The following ATXN2 variants were observed in gnomAD, a reference collection of about 807,000 sequenced individuals.
ATXN2 encodes the protein ataxin 2.
A neutral mutation model predicts 138.6 loss-of-function variants in ATXN2; 37 were observed. The observed-to-expected ratio is 0.27, with a 90% CI of 0.21 to 0.35. The LOEUF is 0.35. Among genes scored for constraint, ATXN2 ranks in the 10% least tolerant of loss-of-function variants. The pLI is 1.00. For synonymous variants in ATXN2, 549 were observed against 543.7 expected (o/e 1.01, Z -0.13); for missense variants, 1,216 against 1,480.3 (o/e 0.82, Z 2.93).
chr12:111,494,157 T>G (rs1207257333), intron 14 of ATXN2, among the ~76,000 whole-genome samples: 1 of 152,072 alleles, frequency 6.6e-6, no homozygotes, highest in African/African-American at 2.4e-5. Context: ...CTCGAACTCC[T>G]GACCTTAGGT....
chr12:111,552,575 GATCT>G lies in ATXN2; in HGVS notation c.421-149_421-146del, dbSNP rs1419719974. ...ATCATACCCTTTTTCCCAGGCATAT[GATCT>G]ATTATCCATTCCATCATTTAAAAAT... On this transcript the variant is annotated intron_variant, in intron 4 of 24. Transcript: ENST00000673436. The surrounding 1 kb of genome is among the most constrained non-coding windows in gnomAD (Gnocchi z 4.1). 10 of 814,878 alleles carry G rather than the reference GATCT, an allele frequency of 1.2e-5. No homozygotes were observed. The highest frequency in any genetic ancestry group is 1.0e-4 in the South Asian group (5 of 48,008). 50.5% of individuals were successfully genotyped at this position (814,878 alleles called of 1,614,324 possible). A position where few individuals can be genotyped will look rare whatever the true frequency, so the allele number is the denominator to read the frequency against.
chr12:111,460,755 T>TA (rs1875517915), intron 21 of ATXN2, among the ~76,000 whole-genome samples: 1 of 152,198 alleles, frequency 6.6e-6, no homozygotes, highest in Non-Finnish European at 1.5e-5. Flanking sequence ...TGGAAAAATG[T>TA]AAAAATCTTA....
intron 17 of ATXN2, 22 bp from the exon 18 acceptor site, chr12:111,485,353 AT>A: frequency 6.3e-7 from 1 of 1,591,498 alleles, no homozygotes; most frequent in South Asian, 1.1e-5. Flanking sequence ...TAAAAAAAAA[AT>A]TAACATTAGG....
intron 1 of ATXN2, among the ~76,000 whole-genome samples, chr12:111,588,061 C>T (rs1031702317): frequency 5.3e-5 from 8 of 151,940 alleles, no homozygotes; most frequent in African/African-American, 1.7e-4. Flanking sequence ...GTGGGGCGCA[C>T]CAGTAGTTCC....
At chr12:111,563,847 AG>A (rs1882834394) in intron 1 of ATXN2, among the ~76,000 whole-genome samples, 1 of 152,200 alleles carries the variant, frequency 6.6e-6, no homozygotes, top group African/African-American at 2.4e-5. Flanking sequence ...CCATCTTTTC[AG>A]GAAGTCTTCC....
chr12:111,592,999 A>G (rs1446000919), intron 1 of ATXN2, among the ~76,000 whole-genome samples: 1 of 152,026 alleles, frequency 6.6e-6, no homozygotes, highest in East Asian at 1.9e-4. Flanking sequence ...TTCGTTTCAA[A>G]GTAAAAAAAC....
rs1874698569 is a variant in ATXN2, at chr12:111,452,226, AC to A, written c.*585del. ...CACACTAACTTGATCAGTTTTTAAA[AC>A]TTTTTTTATTTTTTAAATTTTTTTT... On this transcript the variant is annotated 3_prime_UTR_variant, in exon 25 of 25. Coordinates refer to ENST00000673436, the MANE Select transcript of ATXN2 (RefSeq NM_001372574.1). The A allele has an allele frequency of 6.6e-6, 1 of 152,268 alleles. No individual in the cohort carries two copies. The highest frequency in any genetic ancestry group is 1.5e-5 in the Non-Finnish European group (1 of 68,024). The allele number at this position is 152,268 out of a possible 1,614,324, so 9.4% of individuals were successfully genotyped here. A position where few individuals can be genotyped will look rare whatever the true frequency, so the allele number is the denominator to read the frequency against.
intron 5 of ATXN2, among the ~76,000 whole-genome samples, chr12:111,542,709 G>A (rs545495670): frequency 5.3e-5 from 8 of 152,132 alleles, no homozygotes; most frequent in South Asian, 4.1e-4. Flanking sequence ...TCATCCTCCC[G>A]CCTCAGCCTC....
At chr12:111,574,786 C>G (rs1883541038) in intron 1 of ATXN2, among the ~76,000 whole-genome samples, 1 of 152,176 alleles carries the variant, frequency 6.6e-6, no homozygotes, top group Non-Finnish European at 1.5e-5. Flanking sequence ...CCCAGAGAAG[C>G]TAGTGACTCA....
chr12:111,588,991 C>CAAAAAAAAAAAAAAAAAAAAA (rs58116265), intron 1 of ATXN2, among the ~76,000 whole-genome samples: 3 of 38,708 alleles, frequency 7.8e-5, no homozygotes, highest in East Asian at 3.7e-3. Flanking sequence ...CGAGATTTCT[C>CAAAAAAAAAAAAAAAAAAAAA]AAAAAAAAAA....
chr12:111,523,461 C>T (rs948244122), intron 6 of ATXN2, among the ~76,000 whole-genome samples: 1 of 152,028 alleles, frequency 6.6e-6, no homozygotes, highest in East Asian at 1.9e-4. Context: ...TGGTGGTTCA[C>T]GCCTATAATC....
intron 1 of ATXN2, among the ~76,000 whole-genome samples, chr12:111,558,294 T>C (rs1397099958): frequency 2.6e-5 from 4 of 152,192 alleles, no homozygotes; most frequent in African/African-American, 9.7e-5. Context: ...ATCTTTTCAT[T>C]AGTATCTCAA....
chr12:111,554,972 T>C (rs930853058), intron 2 of ATXN2, among the ~76,000 whole-genome samples: 2 of 152,204 alleles, frequency 1.3e-5, no homozygotes, highest in African/African-American at 4.8e-5. Flanking sequence ...TACGTGTATA[T>C]CTTCCTGATT....
rs1555229724 is a variant in ATXN2, at chr12:111,464,248, G to GTGTGTA, written c.2896+413_2896+414insTACACA. 7.3e-5 allele frequency among the ~76,000 whole-genome samples: 4 copies of GTGTGTA among 55,140 alleles called. No individual in the cohort carries two copies. In the African/African-American group the frequency reaches 9.5e-4, roughly 13 times the overall value. 36.2% of individuals were successfully genotyped at this position (55,140 alleles called of 152,430 possible). A position where few individuals can be genotyped will look rare whatever the true frequency, so the allele number is the denominator to read the frequency against. ...GTTTATACCAAGCTTGTGGCTTGGG[G>GTGTGTA]TGTGTGTGTGTGTGTGTGTGTGTGT... On this transcript the variant is annotated intron_variant, in intron 21 of 24. Transcript: ENST00000673436.
chr12:111,455,017 C>A (rs1174197722), intron 23 of ATXN2: 1 of 702,720 alleles, frequency 1.4e-6, no homozygotes, highest in Non-Finnish European at 2.6e-6. Context: ...GACGCCCAAA[C>A]TTCCCAGAGC....
In ATXN2 at chr12:111,462,963, C is replaced by CATAT. The variant is rs371550351; in HGVS notation, c.2896+1695_2896+1698dup. Among the ~76,000 whole-genome samples the CATAT allele has an allele frequency of 1.8e-4, 27 of 148,298 alleles. 1 individual carries two copies. The highest frequency in any genetic ancestry group is 1.3e-3 in the East Asian group (6 of 4,794). On this transcript the variant is annotated intron_variant, in intron 21 of 24. Transcript: ENST00000673436. The stretch of plus-strand genomic sequence containing the variant: ...CAAATAAATTATATATACACACATA[C>CATAT]ATATATATATATATACACACACACA...
At chr12:111,458,789 G>C (rs1221709396) in intron 21 of ATXN2, among the ~76,000 whole-genome samples, 1 of 152,220 alleles carries the variant, frequency 6.6e-6, no homozygotes, top group Admixed American at 6.5e-5. Context: ...GGTAGGCAAG[G>C]CTGCCGAGTC....
intron 3 of ATXN2, 91 bp from the exon 4 acceptor site, chr12:111,553,068 G>C (rs1048349990): frequency 2.6e-6 from 2 of 765,024 alleles, no homozygotes; most frequent in Non-Finnish European, 4.0e-6. Context: ...TACCTCATCA[G>C]GCTTCATTCA....
intron 1 of ATXN2, among the ~76,000 whole-genome samples, chr12:111,591,001 T>C (rs1884629930): frequency 6.6e-6 from 1 of 151,990 alleles, no homozygotes; most frequent in Non-Finnish European, 1.5e-5. Context: ...GCCATTCTCT[T>C]GCCTCGGCCT....
Sources: allele counts gnomAD v4.1 joint callset (sites outside exome capture counted in the v4.1 genomes callset), GRCh38; gene constraint gnomAD v4.1.1; non-coding constraint Gnocchi (gnomAD v3.1); transcripts MANE v1.5; gene names NCBI Gene and HGNC (gene_info 2026-07-23, HGNC 2026-07-21).